OR51B5: variants seen among roughly 807,000 people sequenced by gnomAD.
OR51B5 encodes olfactory receptor family 51 subfamily B member 5.
For missense variants in OR51B5, 456 were observed against 374.6 expected (o/e 1.22, Z -1.79); for synonymous variants, 186 against 144.8 (o/e 1.28, Z -2.04).
At chr11:5,479,490 G>A (rs914981927) in intron 1 of OR51B5, among the ~76,000 whole-genome samples, 1 of 150,176 alleles carries the variant, frequency 6.7e-6, no homozygotes, top group Non-Finnish European at 1.5e-5. Context: ...CATAATGACA[G>A]GATCAAATTC....
chr11:5,485,858 A>G (rs1203723331), intron 1 of OR51B5, among the ~76,000 whole-genome samples: 1 of 152,148 alleles, frequency 6.6e-6, no homozygotes, highest in Non-Finnish European at 1.5e-5. Context: ...CAAGGTCTTA[A>G]TTAACCCTCA....
At chr11:5,395,554 T>C (rs1449404749) in intron 1 of OR51B5, among the ~76,000 whole-genome samples, 1 of 152,192 alleles carries the variant, frequency 6.6e-6, no homozygotes. Flanking sequence ...GGCTATGCCT[T>C]GTAGAGAATG....
At chr11:5,398,096 A>T (rs1425948202) in intron 1 of OR51B5, among the ~76,000 whole-genome samples, 1 of 152,206 alleles carries the variant, frequency 6.6e-6, no homozygotes, top group Non-Finnish European at 1.5e-5. Context: ...GATATACCTA[A>T]TGTTAAATGG....
At chr11:5,432,644 C>T (rs1850548793) in intron 1 of OR51B5, among the ~76,000 whole-genome samples, 1 of 152,130 alleles carries the variant, frequency 6.6e-6, no homozygotes, top group South Asian at 2.1e-4. Flanking sequence ...TTAAAATACA[C>T]TTGCTTTTTA....
chr11:5,440,517 T>A, intron 1 of OR51B5: 1 of 1,308,760 alleles, frequency 7.6e-7, no homozygotes, highest in Non-Finnish European at 1.1e-6. Flanking sequence ...CCTTAAGTTG[T>A]TAACATGTCC....
At chr11:5,344,211 C>G (rs529323201), upstream of OR51B5, among the ~76,000 whole-genome samples, 3 of 152,208 alleles carry the variant, frequency 2.0e-5, no homozygotes, top group Non-Finnish European at 4.4e-5. Context: ...GACAATAGCT[C>G]AGTCTAATTA....
chr11:5,454,460 G>A, intron 1 of OR51B5: 3 of 1,530,198 alleles, frequency 2.0e-6, no homozygotes, highest in Middle Eastern at 1.7e-4. Context: ...CTGTTATTTT[G>A]GCCATAGGCT....
At chr11:5,352,435 T>A in intron 1 of OR51B5, 1 of 1,585,172 alleles carries the variant, frequency 6.3e-7, no homozygotes, top group Non-Finnish European at 8.6e-7. Flanking sequence ...TCTGCCTCAC[T>A]CTAGAGCATG....
intron 1 of OR51B5, among the ~76,000 whole-genome samples, chr11:5,463,831 G>A (rs1359885401): frequency 6.6e-6 from 1 of 152,214 alleles, no homozygotes; most frequent in African/African-American, 2.4e-5. Flanking sequence ...CATATCCTGA[G>A]ATTTGTTTGC....
rs1846282618 is a variant in OR51B5, at chr11:5,500,836, T to C, written n.84+4733A>G. Reference sequence around the variant, plus strand: ...TCCCTTGCCTCCACCTCCCTGAATATGCCTATGATCTGTCATAGCATGCAT... The same window carrying C: ...TCCCTTGCCTCCACCTCCCTGAATACGCCTATGATCTGTCATAGCATGCAT... On this transcript the variant is annotated intron_variant and non_coding_transcript_variant, in intron 1 of 4. Coordinates refer to the OR51B5 transcript ENST00000415970. Among the ~76,000 whole-genome samples, 2 of 148,218 alleles carry C rather than the reference T, an allele frequency of 1.3e-5. 1 individual carries two copies. Among genetic ancestry groups the C allele is most frequent in the South Asian group, 4.2e-4 (2 of 4,708 alleles).
chr11:5,392,145 G>C (rs376832861), intron 1 of OR51B5: 5 of 152,164 alleles, frequency 3.3e-5, no homozygotes, highest in African/African-American at 1.2e-4. Context: ...ATGTTTGTGC[G>C]GTTTCTTGTG....
chr11:5,422,310 A>G (rs1465512088), intron 1 of OR51B5: 9 of 1,613,986 alleles, frequency 5.6e-6, no homozygotes, highest in Non-Finnish European at 7.6e-6. Flanking sequence ...TGCTGTCTCT[A>G]CACCATCTCC....
At chr11:5,359,467 C>CAA (rs969504176) in intron 1 of OR51B5, among the ~76,000 whole-genome samples, 1 of 125,650 alleles carries the variant, frequency 8.0e-6, no homozygotes, top group African/African-American at 2.9e-5. Context: ...AGGAGAACTA[C>CAA]AAACCACTGC....
chr11:5,426,490 G>A (rs1175380204), intron 1 of OR51B5, among the ~76,000 whole-genome samples: 1 of 152,078 alleles, frequency 6.6e-6, no homozygotes, highest in African/African-American at 2.4e-5. Context: ...CGGGGAAGGG[G>A]GGAGTTGCTG....
At chr11:5,402,936 G>A (rs1225131538) in intron 1 of OR51B5, 1 of 471,194 alleles carries the variant, frequency 2.1e-6, no homozygotes, top group Admixed American at 2.3e-5. Context: ...TATCCATGAT[G>A]GAGCCAGCTG....
intron 1 of OR51B5, chr11:5,423,242 C>G: frequency 7.1e-7 from 1 of 1,415,562 alleles, no homozygotes; most frequent in Non-Finnish European, 9.3e-7. Context: ...TAAAATAAAA[C>G]TTCATCATAA....
chr11:5,404,538 G>A (rs867023167), intron 1 of OR51B5, among the ~76,000 whole-genome samples: 6 of 152,008 alleles, frequency 3.9e-5, no homozygotes, highest in Non-Finnish European at 7.4e-5. Context: ...ACCAATCAGT[G>A]CTCTGTAAAA....
intron 1 of OR51B5, chr11:5,354,760 G>A (rs565463811): frequency 9.7e-5 from 18 of 186,266 alleles, no homozygotes; most frequent in South Asian, 3.1e-4. Context: ...ACAGGAAAAC[G>A]TCCTCCAGAA....
chr11:5,484,009 T>C (rs543184892), intron 1 of OR51B5, among the ~76,000 whole-genome samples: 1 of 151,812 alleles, frequency 6.6e-6, no homozygotes, highest in African/African-American at 2.4e-5. Context: ...GACACACACC[T>C]CCTGCCAAAG....
Sources: gnomAD v4.1 joint callset for allele counts (sites outside exome capture counted in the v4.1 genomes callset) on GRCh38, gnomAD v4.1.1 for gene constraint, MANE v1.5 for transcripts, NCBI Gene and HGNC (gene_info 2026-07-23, HGNC 2026-07-21) for gene names.